ACACB: variants seen among roughly 807,000 people sequenced by gnomAD.
The protein encoded by ACACB is acetyl-CoA carboxylase beta, also known as acetyl-CoA carboxylase 2.
In ACACB, 209 loss-of-function variants were observed where a neutral mutation model predicts 278.8. That is an observed-to-expected ratio of 0.75 (90% confidence interval 0.67 to 0.84). The LOEUF (loss-of-function observed/expected upper bound fraction) is 0.84. ACACB is among the 40% of genes least tolerant of loss of function. ACACB has a pLI of 0.00. For synonymous variants in ACACB, 1,174 were observed against 1,285.6 expected, an observed-to-expected ratio of 0.91 and a Z score of 1.86; for missense variants, 2,850 against 3,269.0, an observed-to-expected ratio of 0.87 and a Z score of 3.13.
At position 109,203,741 on chromosome 12, in the gene ACACB, T is replaced by G. The variant is rs1593547932; in HGVS notation, c.2913+2040T>G. On this transcript the variant is annotated intron_variant, in intron 19 of 52. Transcript: ENST00000338432. ...CTGAGCTCAGGCTCTTGGGGGCACCTCCAATTTAGATTCCTCTTAATTTGT... is the reference window on the plus strand; with the variant it reads ...CTGAGCTCAGGCTCTTGGGGGCACCGCCAATTTAGATTCCTCTTAATTTGT... Among the ~76,000 whole-genome samples the G allele has an allele frequency of 2.6e-5, 4 of 152,320 alleles. No homozygotes were observed. In the South Asian group the frequency reaches 8.3e-4, roughly 32 times the overall value.
At chr12:109,196,155 G>A (rs550113742) in intron 16 of ACACB, among the ~76,000 whole-genome samples, 5 of 152,276 alleles carry the variant, frequency 3.3e-5, no homozygotes, top group South Asian at 2.1e-4. Flanking sequence ...TGGGGCAGGC[G>A]CTCTTCCTGG....
chr12:109,247,584 C>A, intron 39 of ACACB, 22 bp from the exon 40 acceptor site: 2 of 1,577,608 alleles, frequency 1.3e-6, no homozygotes, highest in Non-Finnish European at 1.7e-6. Flanking sequence ...GGATTCGTAG[C>A]CTCACTAAAG....
At chr12:109,250,512 C>T (rs1253730732) in intron 41 of ACACB, among the ~76,000 whole-genome samples, 2 of 152,192 alleles carry the variant, frequency 1.3e-5, no homozygotes, top group African/African-American at 2.4e-5. Context: ...GGTCCAATCT[C>T]ATCTTATTTT....
At chr12:109,215,568 C>A (rs1276252649) in intron 22 of ACACB, among the ~76,000 whole-genome samples, 3 of 152,058 alleles carry the variant, frequency 2.0e-5, no homozygotes, top group Non-Finnish European at 4.4e-5. Context: ...TCGAGACCAT[C>A]CTGGCTAACA....
rs770471527 is a variant in ACACB, at chr12:109,265,461, C to T, written c.7186C>T (p.Arg2396Cys). ...EQHWQAGDGP[R>C]STIRENITYL... ...GCACTGGCAGGCAGGGGATGGCCCG[C>T]GCTCCACCATCCGTGAGAACATCAC... is the stretch of plus-strand genomic sequence containing the variant. Residue 2396 changes from arginine to cysteine, a missense_variant, in exon 52 of 53, where the codon CGC (arginine) becomes TGC (cysteine). Around this residue, in one of 3 missense-constraint regions of ACACB, gnomAD observed 579 missense variants for 684.6 expected, o/e 0.85. Transcript: ENST00000338432. 26 of 1,613,100 alleles carry T rather than the reference C, an allele frequency of 1.6e-5. No homozygotes were observed. The highest frequency in any genetic ancestry group is 1.3e-4 in the South Asian group (12 of 91,000).
intron 26 of ACACB, 56 bp from the exon 27 acceptor site, chr12:109,223,759 A>T: frequency 6.6e-7 from 1 of 1,525,566 alleles, no homozygotes; most frequent in Non-Finnish European, 9.1e-7. Context: ...AACAAAGAAA[A>T]ACCTGAAACT....
chr12:109,153,802 A>G (rs577592717), intron 2 of ACACB, among the ~76,000 whole-genome samples: 2 of 152,256 alleles, frequency 1.3e-5, no homozygotes, highest in South Asian at 2.1e-4. Flanking sequence ...AGCTGGGACT[A>G]CAGGTGTGCA....
intron 22 of ACACB, among the ~76,000 whole-genome samples, chr12:109,214,488 A>C (rs1220575629): frequency 1.3e-5 from 2 of 152,230 alleles, no homozygotes; most frequent in East Asian, 3.8e-4. Context: ...CTCCTAAAAC[A>C]CATAGACTGC....
intron 15 of ACACB, 30 bp downstream of exon 15, chr12:109,191,980 T>C (rs369042435): frequency 5.8e-5 from 94 of 1,609,104 alleles, no homozygotes; most frequent in Middle Eastern, 5.0e-4. Flanking sequence ...CCTTCTGCTT[T>C]TGTGATATGT....
rs771512989 is a variant in ACACB at position 109,166,882 on chromosome 12, C to T, written c.675C>T (p.His225=). 2 of 1,614,038 alleles carry T rather than the reference C, an allele frequency of 1.2e-6. No individual in the cohort carries two copies. The highest frequency in any genetic ancestry group is 1.7e-5 in the Admixed American group (1 of 60,000). Reference sequence around the variant, plus strand: ...GCAGGCCGAGCATGTCGGGACTCCACCTGGTGAAGAGGGGACGGGAACACA... The same window carrying T: ...GCAGGCCGAGCATGTCGGGACTCCATCTGGTGAAGAGGGGACGGGAACACA... ...PTMRPSMSGL[H]LVKRGREHKK... is the part of the protein sequence containing the mutation. Residue 225 remains histidine, a synonymous_variant, in exon 3 of 53, where the codon CAC becomes CAT. Coordinates refer to ENST00000338432, the MANE Select transcript of ACACB (RefSeq NM_001093.4).
chr12:109,167,294 T>G, intron 3 of ACACB: 1 of 257,442 alleles, frequency 3.9e-6, no homozygotes, highest in Non-Finnish European at 7.6e-6. Flanking sequence ...AAAAAAATCA[T>G]TCACTGGGCT....
At chr12:109,254,918 G>A (rs1016982001) in intron 44 of ACACB, among the ~76,000 whole-genome samples, 1 of 152,010 alleles carries the variant, frequency 6.6e-6, no homozygotes, top group Non-Finnish European at 1.5e-5. Flanking sequence ...GGGATTACAG[G>A]TGCCTGCCAC....
intron 24 of ACACB, among the ~76,000 whole-genome samples, chr12:109,221,699 A>G (rs2046165231): frequency 6.6e-6 from 1 of 152,014 alleles, no homozygotes; most frequent in Non-Finnish European, 1.5e-5. Flanking sequence ...TGTCTTGCAC[A>G]TGTTTGCTGG....
At chr12:109,212,775 G>C in intron 21 of ACACB, 61 bp from the exon 22 acceptor site, 1 of 1,433,598 alleles carries the variant, frequency 7.0e-7, no homozygotes, top group Non-Finnish European at 9.8e-7. Flanking sequence ...CCTTTCTTTA[G>C]GGGACTGCTG....
chr12:109,171,992 C>A, intron 5 of ACACB, 78 bp downstream of exon 5: 1 of 1,224,326 alleles, frequency 8.2e-7, no homozygotes, highest in Non-Finnish European at 1.2e-6. Flanking sequence ...TTCCACAGTT[C>A]ACAAGGGGTG....
chr12:109,217,120 A>C (rs1045241272), intron 24 of ACACB, among the ~76,000 whole-genome samples, 200 bp downstream of exon 24: 7 of 152,130 alleles, frequency 4.6e-5, no homozygotes, highest in Non-Finnish European at 7.3e-5. Flanking sequence ...CGTCTCCACT[A>C]AAAATACAAA....
chr12:109,260,386 C>A, intron 47 of ACACB, 94 bp from the exon 48 acceptor site: 1 of 1,490,190 alleles, frequency 6.7e-7, no homozygotes, highest in Non-Finnish European at 9.3e-7. Context: ...CTCAGCTGGG[C>A]TCACTCTCCC....
chr12:109,247,515 C>T (rs1432498653), intron 39 of ACACB, 91 bp from the exon 40 acceptor site: 9 of 830,946 alleles, frequency 1.1e-5, no homozygotes, highest in Non-Finnish European at 1.8e-5. Context: ...TTATTAACAT[C>T]CATCCCTACG....
chr12:109,129,652 C>T (rs2042773145), intron 1 of ACACB, among the ~76,000 whole-genome samples: 1 of 152,230 alleles, frequency 6.6e-6, no homozygotes. Context: ...CTGCTGAAAG[C>T]CCAGAGACTT....
Sources: allele counts gnomAD v4.1 joint callset (sites outside exome capture counted in the v4.1 genomes callset), GRCh38; gene constraint gnomAD v4.1.1; regional missense constraint gnomAD v4.1.1; transcripts MANE v1.5; gene names NCBI Gene and HGNC (gene_info 2026-07-23, HGNC 2026-07-21).